CCDC91: variants seen among roughly 807,000 people sequenced by gnomAD.
CCDC91 encodes coiled-coil domain-containing protein 91.
In CCDC91, 48 loss-of-function variants were observed where a neutral mutation model predicts 63.2. The observed-to-expected ratio is 0.76, with a 90% CI of 0.60 to 0.97. CCDC91 has a LOEUF of 0.97. CCDC91 is among the 50% of genes least tolerant of loss of function. The pLI is 0.00. For synonymous variants in CCDC91, 167 were observed against 165.8 expected, an observed-to-expected ratio of 1.01 and a Z score of -0.06; for missense variants, 500 against 494.6, an observed-to-expected ratio of 1.01 and a Z score of -0.10.
At chr12:28,408,208 C>G (rs753984777) in intron 8 of CCDC91, among the ~76,000 whole-genome samples, 18 of 152,072 alleles carry the variant, frequency 1.2e-4, no homozygotes, top group Non-Finnish European at 2.4e-4. Flanking sequence ...TTGTTCAACT[C>G]CCATTTATGG....
chr12:28,458,086 C>T (rs1418621300), intron 11 of CCDC91, among the ~76,000 whole-genome samples: 9 of 152,004 alleles, frequency 5.9e-5, no homozygotes, highest in Non-Finnish European at 8.8e-5. Flanking sequence ...TTAGTACTGC[C>T]ACCTGACCCT....
chr12:28,372,278 C>T (rs1944667836), intron 7 of CCDC91, among the ~76,000 whole-genome samples: 1 of 151,980 alleles, frequency 6.6e-6, no homozygotes, highest in Non-Finnish European at 1.5e-5. Context: ...AATATGCTTC[C>T]AGATTTGTTC....
At chr12:28,334,056 G>GTGTGTATGTGTA (rs143724750) in intron 6 of CCDC91, among the ~76,000 whole-genome samples, 7 of 151,960 alleles carry the variant, frequency 4.6e-5, no homozygotes, top group South Asian at 2.1e-4. Context: ...GTGTGTGTGT[G>GTGTGTATGTGTA]TGTGTATGTG....
At chr12:28,321,728 C>T (rs1029631505) in intron 6 of CCDC91, among the ~76,000 whole-genome samples, 8 of 151,810 alleles carry the variant, frequency 5.3e-5, no homozygotes, top group Non-Finnish European at 8.8e-5. Flanking sequence ...GCACCTTGAT[C>T]TTGGGCTTCT....
intron 6 of CCDC91, among the ~76,000 whole-genome samples, chr12:28,317,755 G>T (rs1387196796): frequency 6.6e-6 from 1 of 151,826 alleles, no homozygotes; most frequent in East Asian, 1.9e-4. Flanking sequence ...AAGCATATCT[G>T]TAGGGTTACC....
intron 1 of CCDC91, among the ~76,000 whole-genome samples, chr12:28,195,663 G>A (rs544438839): frequency 3.9e-5 from 6 of 152,186 alleles, no homozygotes; most frequent in East Asian, 1.9e-4. Context: ...TTGAGTATTC[G>A]AGTTCTTTTT....
intron 1 of CCDC91, among the ~76,000 whole-genome samples, chr12:28,210,111 A>G (rs11513466): frequency 0.26 from 39,674 of 152,084 alleles, 5,444 homozygotes; most frequent in Non-Finnish European, 0.31. Flanking sequence ...CCTTTCTTAT[A>G]TAAAATCTCT....
At chr12:28,427,346 T>C (rs1284164738) in intron 8 of CCDC91, among the ~76,000 whole-genome samples, 2 of 152,142 alleles carry the variant, frequency 1.3e-5, no homozygotes, top group African/African-American at 4.8e-5. Context: ...TTAAGAATGC[T>C]CTGGGCATAT....
intron 1 of CCDC91, among the ~76,000 whole-genome samples, chr12:28,194,972 CA>C (rs1016190033): frequency 6.6e-6 from 1 of 152,190 alleles, no homozygotes; most frequent in Non-Finnish European, 1.5e-5. Flanking sequence ...TGAGCAGCAG[CA>C]AGATTTATTG....
chr12:28,220,638 A>G (rs1943874807), intron 1 of CCDC91, among the ~76,000 whole-genome samples: 1 of 151,926 alleles, frequency 6.6e-6, no homozygotes. Flanking sequence ...GTGGCAAATA[A>G]TTCTCTTACC....
intron 1 of CCDC91, among the ~76,000 whole-genome samples, chr12:28,229,178 T>G (rs1944444770): frequency 6.6e-6 from 1 of 151,968 alleles, no homozygotes; most frequent in Admixed American, 6.6e-5. Context: ...TTCTACTTTT[T>G]TCATTGCTGC....
chr12:28,357,578 C>G (rs1273513638), intron 6 of CCDC91, among the ~76,000 whole-genome samples: 2 of 152,066 alleles, frequency 1.3e-5, no homozygotes, highest in Non-Finnish European at 2.9e-5. Flanking sequence ...AATGAGAATA[C>G]ATTCTAATAG....
intron 8 of CCDC91, among the ~76,000 whole-genome samples, chr12:28,436,069 A>G (rs1389645262): frequency 6.6e-6 from 1 of 151,760 alleles, no homozygotes; most frequent in African/African-American, 2.4e-5. Flanking sequence ...TAATTGTTGT[A>G]TTTAGATCAC....
chr12:28,262,050 T>C (rs1361676510), intron 3 of CCDC91, among the ~76,000 whole-genome samples: 3 of 152,056 alleles, frequency 2.0e-5, no homozygotes, highest in South Asian at 4.1e-4. Flanking sequence ...TGGAGAAGTC[T>C]GCCTCTTGAT....
intron 1 of CCDC91, among the ~76,000 whole-genome samples, chr12:28,192,854 C>T (rs1204462531): frequency 6.6e-6 from 1 of 151,914 alleles, no homozygotes; most frequent in Admixed American, 6.6e-5. Context: ...TATAATGGAA[C>T]CACTGCCACA....
intron 12 of CCDC91, among the ~76,000 whole-genome samples, chr12:28,490,079 ATAGTAGT>A (rs1951918347): frequency 6.6e-6 from 1 of 151,876 alleles, no homozygotes; most frequent in Non-Finnish European, 1.5e-5. Context: ...CAGTTGCATC[ATAGTAGT>A]TACATTGTAT....
intron 11 of CCDC91, among the ~76,000 whole-genome samples, chr12:28,475,884 T>G (rs376814183): frequency 6.6e-6 from 1 of 152,148 alleles, no homozygotes; most frequent in East Asian, 1.9e-4. Flanking sequence ...CTAAGATATC[T>G]ATTTAGTAAT....
At chr12:28,194,428 G>A (rs1941561911) in intron 1 of CCDC91, among the ~76,000 whole-genome samples, 1 of 152,174 alleles carries the variant, frequency 6.6e-6, no homozygotes, top group Non-Finnish European at 1.5e-5. Context: ...CTTGAAGATG[G>A]TGTGTCCGGA....
At chr12:28,519,294 G>GTTTGTTTTGTTTTGTTTTGT (rs150466852) in intron 12 of CCDC91, among the ~76,000 whole-genome samples, 3 of 150,934 alleles carry the variant, frequency 2.0e-5, no homozygotes, top group Non-Finnish European at 4.4e-5. Flanking sequence ...TAAGTTGTTT[G>GTTTGTTTTGTTTTGTTTTGT]TTTGTTTTGT....
Sources: allele counts gnomAD v4.1 joint callset (sites outside exome capture counted in the v4.1 genomes callset), GRCh38; gene constraint gnomAD v4.1.1; transcripts MANE v1.5; gene names NCBI Gene and HGNC (gene_info 2026-07-23, HGNC 2026-07-21).